PLEKHA8: variants seen among roughly 807,000 people sequenced by gnomAD.
PLEKHA8 encodes the protein pleckstrin homology domain-containing family A member 8.
In PLEKHA8, 36 loss-of-function variants were observed where a neutral mutation model predicts 68.2. The observed-to-expected ratio is 0.53, with a 90% CI of 0.40 to 0.70. The LOEUF (loss-of-function observed/expected upper bound fraction) is 0.70, where lower values mean the gene tolerates loss of function less well. Ranked by LOEUF, PLEKHA8 falls within the 30% of genes least tolerant of loss-of-function variation. The probability of loss-of-function intolerance (pLI) is 0.00; values close to 1 mark genes in which losing one functional copy is unlikely to be tolerated. For missense variants in PLEKHA8, 505 were observed against 615.4 expected (o/e 0.82, Z 1.90); for synonymous variants, 211 against 216.1 (o/e 0.98, Z 0.20).
chr7:30,056,327 TATATAAATAA>T (rs1562870062), intron 9 of PLEKHA8, among the ~76,000 whole-genome samples: 109 of 135,480 alleles, frequency 8.0e-4, no homozygotes, highest in African/African-American at 1.4e-3. Flanking sequence ...TATATATATA[TATATAAATAA>T]CATATATATA....
In PLEKHA8 at chr7:30,089,666, G is replaced by A. The variant is rs115274714; in HGVS notation, c.1301-487G>A. ...GTGTGAGTATGCTACAGCCAGAAAG[G>A]GGATGGGGGTGGAGTGGGAAACAGG... On this transcript the variant is annotated intron_variant, in intron 12 of 12. Transcript: ENST00000258679. Among the ~76,000 whole-genome samples the A allele has an allele frequency of 4.2e-3, 639 of 152,274 alleles. 6 individuals are homozygous for A. The highest frequency in any genetic ancestry group is 0.014 in the African/African-American group (598 of 41,538).
chr7:30,050,696 AGATG>A, intron 6 of PLEKHA8: 2 of 451,612 alleles, frequency 4.4e-6, no homozygotes, highest in South Asian at 3.8e-5. Flanking sequence ...ATTTTCCCTA[AGATG>A]GATCTCACCC....
At chr7:30,057,961 A>G (rs1481902180) in intron 9 of PLEKHA8, among the ~76,000 whole-genome samples, 2 of 152,174 alleles carry the variant, frequency 1.3e-5, no homozygotes, top group Non-Finnish European at 2.9e-5. Flanking sequence ...CTTCACCAGC[A>G]TTTGGTAGTG....
chr7:30,051,689 C>T (rs1463840341), intron 6 of PLEKHA8, among the ~76,000 whole-genome samples: 2 of 152,048 alleles, frequency 1.3e-5, no homozygotes, highest in East Asian at 3.9e-4. Context: ...GAGTACTCTC[C>T]CTGGCTGGGC....
At chr7:30,095,049 G>A (rs1419188346), downstream of PLEKHA8, among the ~76,000 whole-genome samples, 2 of 152,178 alleles carry the variant, frequency 1.3e-5, no homozygotes, top group Non-Finnish European at 2.9e-5. Flanking sequence ...TCAGTAATGG[G>A]ATGGCTGGGT....
At chr7:30,117,171 G>A (rs1056610723) in intron 13 of PLEKHA8, among the ~76,000 whole-genome samples, 53 of 152,126 alleles carry the variant, frequency 3.5e-4, no homozygotes, top group Non-Finnish European at 5.6e-4. Context: ...GGGAGACTGG[G>A]GTTCTCAGCT....
At chr7:30,070,488 A>G (rs1361159466) in intron 12 of PLEKHA8, among the ~76,000 whole-genome samples, 1 of 151,070 alleles carries the variant, frequency 6.6e-6, no homozygotes, top group East Asian at 1.9e-4. Context: ...GTTAACTTGA[A>G]TGGCAATGTA....
chr7:30,107,443 T>A (rs1330527067), intron 13 of PLEKHA8, among the ~76,000 whole-genome samples: 1 of 152,120 alleles, frequency 6.6e-6, no homozygotes, highest in Admixed American at 6.5e-5. Flanking sequence ...AATATACCTG[T>A]TTTGGATTCA....
At chr7:30,028,919 C>A in intron 1 of PLEKHA8, 117 bp downstream of exon 1, 1 of 1,108,554 alleles carries the variant, frequency 9.0e-7, no homozygotes, top group Non-Finnish European at 1.1e-6. Context: ...CTGAGGCCAG[C>A]GCGGAGCGGG....
chr7:30,028,822 CG>C lies in PLEKHA8; in HGVS notation c.40+25del, dbSNP rs760401617. On this transcript the variant is annotated intron_variant, in intron 1 of 13. Transcript: ENST00000449726. ...TGAGCGGTGAGTGGCCGTGCCGGGC[CG>C]GGGGCGCGCCGGGGGCCGGTCCTTT... 7 of 1,259,884 alleles carry C rather than the reference CG, an allele frequency of 5.6e-6. No homozygotes were observed. The highest frequency in any genetic ancestry group is 5.0e-6 in the Non-Finnish European group (5 of 996,886). 78.0% of individuals were successfully genotyped at this position (1,259,884 alleles called of 1,614,324 possible). A position where few individuals can be genotyped will look rare whatever the true frequency, so the allele number is the denominator to read the frequency against.
intron 13 of PLEKHA8, among the ~76,000 whole-genome samples, chr7:30,128,089 G>GTTT (rs1487431952): frequency 4.1e-5 from 5 of 121,588 alleles, no homozygotes; most frequent in African/African-American, 1.2e-4. Flanking sequence ...GAGTTTTACT[G>GTTT]TATTTTTTTT....
intron 13 of PLEKHA8, among the ~76,000 whole-genome samples, chr7:30,119,449 G>A (rs144350986): frequency 1.3e-5 from 2 of 152,302 alleles, no homozygotes; most frequent in East Asian, 3.9e-4. Context: ...TTAAGATTGA[G>A]ATAATGTCTC....
chr7:30,070,979 A>G (rs902049579), intron 12 of PLEKHA8, among the ~76,000 whole-genome samples: 2 of 152,196 alleles, frequency 1.3e-5, no homozygotes, highest in African/African-American at 4.8e-5. Flanking sequence ...CCCTACCACA[A>G]TTCTGAATCA....
chr7:30,100,757 C>G (rs1795819504), intron 13 of PLEKHA8, among the ~76,000 whole-genome samples: 1 of 151,950 alleles, frequency 6.6e-6, no homozygotes, highest in Non-Finnish European at 1.5e-5. Flanking sequence ...CAAGAAAAGA[C>G]AATAAAAGGT....
downstream of PLEKHA8, among the ~76,000 whole-genome samples, chr7:30,085,316 G>T (rs939799382): frequency 6.6e-6 from 1 of 152,142 alleles, no homozygotes; most frequent in African/African-American, 2.4e-5. Context: ...CCTCTGGAAT[G>T]GCCTTGCCCT....
chr7:30,107,014 G>C (rs1288507057), intron 13 of PLEKHA8, among the ~76,000 whole-genome samples: 1 of 152,032 alleles, frequency 6.6e-6, no homozygotes, highest in Non-Finnish European at 1.5e-5. Flanking sequence ...CGCTATTCTT[G>C]TTCCTTTAAT....
Position 30,080,140 on chromosome 7 carries a change from T to G in PLEKHA8, c.*1353T>G, listed in dbSNP as rs940929089. ...AGCTGTTTATCAATCTCAAAAGCTT[T>G]GGGACAGTGTCATAGTTGAAAGATG... is the stretch of plus-strand genomic sequence containing the variant. On this transcript the variant is annotated 3_prime_UTR_variant, in exon 14 of 14. Coordinates refer to ENST00000449726, the MANE Select transcript of PLEKHA8 (RefSeq NM_001197026.2). 18 of 985,294 alleles carry G rather than the reference T, an allele frequency of 1.8e-5. 1 individual carries two copies. In the African/African-American group the frequency reaches 3.0e-4, roughly 16 times the overall value. 61.0% of individuals were successfully genotyped at this position (985,294 alleles called of 1,614,324 possible).
At chr7:30,040,202 T>C (rs561282649) in intron 1 of PLEKHA8, among the ~76,000 whole-genome samples, 3 of 152,208 alleles carry the variant, frequency 2.0e-5, no homozygotes, top group Non-Finnish European at 4.4e-5. Flanking sequence ...GGGATATTTA[T>C]TGGTTCATTT....
chr7:30,069,330 C>G (rs1156843677), intron 12 of PLEKHA8, among the ~76,000 whole-genome samples: 1 of 152,200 alleles, frequency 6.6e-6, no homozygotes, highest in Non-Finnish European at 1.5e-5. Flanking sequence ...GTAATTCCGC[C>G]CTTTCTGGCT....
Sources: allele counts gnomAD v4.1 joint callset (sites outside exome capture counted in the v4.1 genomes callset), GRCh38; gene constraint gnomAD v4.1.1; transcripts MANE v1.5; gene names NCBI Gene and HGNC (gene_info 2026-07-23, HGNC 2026-07-21).